The following SUGCT variants were observed in gnomAD, a reference collection of about 807,000 sequenced individuals.
SUGCT encodes the protein succinyl-CoA:glutarate-CoA transferase.
A neutral mutation model predicts 55.0 loss-of-function variants in SUGCT; 41 were observed. The observed-to-expected ratio is 0.74, with a 90% CI of 0.58 to 0.97. SUGCT has a LOEUF of 0.97. Among genes scored for constraint, SUGCT ranks in the 50% least tolerant of loss-of-function variants. SUGCT has a pLI of 0.00. For missense variants in SUGCT, 568 were observed against 547.8 expected (o/e 1.04, Z -0.37); for synonymous variants, 187 against 200.4 (o/e 0.93, Z 0.56).
chr7:40,861,882 T>C (rs1473357984), downstream of SUGCT, among the ~76,000 whole-genome samples: 1 of 152,234 alleles, frequency 6.6e-6, no homozygotes, highest in Non-Finnish European at 1.5e-5. Context: ...ACAAGGGTAA[T>C]TGGATGCCTT....
chr7:40,824,548 A>G (rs997438292), intron 13 of SUGCT, among the ~76,000 whole-genome samples: 1 of 152,236 alleles, frequency 6.6e-6, no homozygotes, highest in Non-Finnish European at 1.5e-5. Flanking sequence ...GTTGGGGTAC[A>G]TGATGCAAGC....
At chr7:41,036,598 C>T in the SUGCT span, among the ~76,000 whole-genome samples, 1 of 152,150 alleles carries the variant, frequency 6.6e-6, no homozygotes, top group East Asian at 1.9e-4. Flanking sequence ...TTGATTCCTG[C>T]CATAACCCAG....
At chr7:40,382,575 A>C (rs1232787405) in intron 9 of SUGCT, among the ~76,000 whole-genome samples, 2 of 152,208 alleles carry the variant, frequency 1.3e-5, no homozygotes, top group Admixed American at 6.5e-5. Context: ...CCTTTAACTC[A>C]TAATTATAGT....
chr7:40,705,847 C>G (rs886722689), intron 12 of SUGCT, among the ~76,000 whole-genome samples: 4 of 152,260 alleles, frequency 2.6e-5, no homozygotes, highest in Non-Finnish European at 5.9e-5. Flanking sequence ...GGTGGCATAT[C>G]TCAGAAACTC....
chr7:40,982,589 T>C, the SUGCT span, among the ~76,000 whole-genome samples: 1 of 152,220 alleles, frequency 6.6e-6, no homozygotes. Flanking sequence ...TTCTAACTTG[T>C]TAAAAATATA....
intron 10 of SUGCT, among the ~76,000 whole-genome samples, chr7:40,453,680 C>T (rs1789316942): frequency 2.0e-5 from 3 of 152,322 alleles, no homozygotes. Context: ...GGTCAATTGT[C>T]TGCTAAACCA....
chr7:40,893,131 C>T, the SUGCT span, among the ~76,000 whole-genome samples: 36 of 152,060 alleles, frequency 2.4e-4, no homozygotes, highest in Middle Eastern at 3.4e-3. Flanking sequence ...GAAGACATAA[C>T]AATTATAAAT....
At chr7:40,187,625 A>G (rs1406358731) in intron 3 of SUGCT, among the ~76,000 whole-genome samples, 1 of 152,188 alleles carries the variant, frequency 6.6e-6, no homozygotes, top group Non-Finnish European at 1.5e-5. Context: ...TCCACCTGAG[A>G]TATGAGTGCA....
the SUGCT span, among the ~76,000 whole-genome samples, chr7:41,030,655 A>G: frequency 2.0e-5 from 3 of 151,992 alleles, no homozygotes; most frequent in Non-Finnish European, 4.4e-5. Context: ...TTCCCACACC[A>G]CCCCAATTTC....
At chr7:40,548,186 C>CTTTTTTTTTTTTTTTTT (rs1186226631) in intron 12 of SUGCT, among the ~76,000 whole-genome samples, 15 of 104,978 alleles carry the variant, frequency 1.4e-4, no homozygotes, top group East Asian at 2.5e-4. Flanking sequence ...TTCTTTCTTT[C>CTTTTTTTTTTTTTTTTT]TTTTTTTTTT....
the SUGCT span, among the ~76,000 whole-genome samples, chr7:40,893,107 G>T: frequency 6.6e-6 from 1 of 151,962 alleles, no homozygotes; most frequent in African/African-American, 2.4e-5. Context: ...ATGATAAAAA[G>T]GTCAATTCAT....
the SUGCT span, among the ~76,000 whole-genome samples, chr7:40,972,343 C>T: frequency 2.0e-5 from 3 of 152,096 alleles, no homozygotes; most frequent in African/African-American, 7.2e-5. Context: ...ACACTCCTTG[C>T]CAGCTAAAAA....
At chr7:40,978,495 G>A in the SUGCT span, among the ~76,000 whole-genome samples, 8 of 152,148 alleles carry the variant, frequency 5.3e-5, no homozygotes, top group African/African-American at 9.7e-5. Flanking sequence ...TGTGGTCCCC[G>A]TGCTCATGGG....
At chr7:40,618,221 A>T (rs1369816474) in intron 12 of SUGCT, among the ~76,000 whole-genome samples, 1 of 152,166 alleles carries the variant, frequency 6.6e-6, no homozygotes, top group Non-Finnish European at 1.5e-5. Flanking sequence ...TCTCATAAAC[A>T]TCTCAAATTT....
At chr7:40,775,655 T>C (rs1789411387) in intron 13 of SUGCT, 1 of 152,242 alleles carries the variant, frequency 6.6e-6, no homozygotes, top group African/African-American at 2.4e-5. Context: ...ACATACCTTA[T>C]GCCTTTTAGA....
chr7:40,889,522 T>C, the SUGCT span, among the ~76,000 whole-genome samples: 1 of 152,158 alleles, frequency 6.6e-6, no homozygotes, highest in African/African-American at 2.4e-5. Context: ...GCCTTAGCTG[T>C]CTTCAGAATC....
rs557966057 is a variant in SUGCT, at chr7:40,666,162, C to G, written c.1090-83272C>G. ...GTCAGGAGATCGAGACCATCCTGGC[C>G]AACATGGTGAAACCCTGTCTCTACT... On this transcript the variant is annotated intron_variant, in intron 12 of 13. Transcript: ENST00000335693. 6.6e-5 allele frequency among the ~76,000 whole-genome samples: 10 copies of G among 151,776 alleles called. No individual in the cohort carries two copies. In the East Asian group the frequency reaches 1.7e-3, roughly 27 times the overall value.
At chr7:40,536,724 A>G (rs181659789) in intron 12 of SUGCT, among the ~76,000 whole-genome samples, 17 of 152,274 alleles carry the variant, frequency 1.1e-4, no homozygotes, top group Non-Finnish European at 2.2e-4. Context: ...ATCACTAGTT[A>G]CCCTGTGAGT....
intron 8 of SUGCT, among the ~76,000 whole-genome samples, chr7:40,309,261 C>T (rs1441518069): frequency 6.6e-6 from 1 of 151,952 alleles, no homozygotes; most frequent in African/African-American, 2.4e-5. Flanking sequence ...TCCCCAGTAT[C>T]TAGAGCAATT....
Sources: allele counts gnomAD v4.1 joint callset (sites outside exome capture counted in the v4.1 genomes callset), GRCh38; gene constraint gnomAD v4.1.1; transcripts MANE v1.5; gene names NCBI Gene and HGNC (gene_info 2026-07-23, HGNC 2026-07-21).